The following ATP10A variants were observed in gnomAD, a reference collection of about 807,000 sequenced individuals.
The protein encoded by ATP10A is phospholipid-transporting ATPase VA.
ATP10A carries 111 observed loss-of-function variants against 147.8 expected under a neutral mutation model. The observed-to-expected ratio is 0.75, with a 90% CI of 0.64 to 0.88. The LOEUF is 0.88. Ranked by LOEUF, ATP10A falls within the 40% of genes least tolerant of loss-of-function variation. ATP10A has a pLI of 0.00. For synonymous variants in ATP10A, 875 were observed against 841.6 expected (o/e 1.04, Z -0.69); for missense variants, 1,927 against 1,959.0 (o/e 0.98, Z 0.31).
At chr15:25,830,138 G>A (rs556095929) in intron 1 of ATP10A, among the ~76,000 whole-genome samples, 5 of 152,260 alleles carry the variant, frequency 3.3e-5, no homozygotes, top group South Asian at 2.1e-4. Context: ...GAGCCACGGA[G>A]AGGAGGAGGC....
intron 2 of ATP10A, among the ~76,000 whole-genome samples, chr15:25,775,404 C>T (rs1889553099): frequency 6.6e-6 from 1 of 152,210 alleles, no homozygotes; most frequent in Non-Finnish European, 1.5e-5. Context: ...CCTGAATACA[C>T]CAGGCCCCCC....
At position 25,708,370 on chromosome 15, in the gene ATP10A, G is replaced by T. The variant is rs189528243; in HGVS notation, c.2345-70C>A. 62 of 1,362,444 alleles carry T rather than the reference G, an allele frequency of 4.6e-5. No homozygotes were observed. In the African/African-American group the frequency reaches 8.2e-4, roughly 18 times the overall value. The allele number at this position is 1,362,444 out of a possible 1,614,324, so 84.4% of individuals were successfully genotyped here. Reference sequence around the variant, plus strand: ...GTGGAATGGTCTTCAGACACTCCGAGATTTACCCCACGTCTGTTCGTTACT... The same window carrying T: ...GTGGAATGGTCTTCAGACACTCCGATATTTACCCCACGTCTGTTCGTTACT... On this transcript the variant is annotated intron_variant, in intron 10 of 20. Coordinates refer to ENST00000555815, the MANE Select transcript of ATP10A (RefSeq NM_024490.4).
At chr15:25,765,771 C>T (rs1888986735) in intron 2 of ATP10A, among the ~76,000 whole-genome samples, 1 of 152,188 alleles carries the variant, frequency 6.6e-6, no homozygotes, top group South Asian at 2.1e-4. Context: ...GACGCAAACC[C>T]TTTTCTCTAT....
At chr15:25,682,003 G>A (rs1389772265) in intron 17 of ATP10A, among the ~76,000 whole-genome samples, 2 of 148,300 alleles carry the variant, frequency 1.3e-5, no homozygotes, top group Non-Finnish European at 3.0e-5. Flanking sequence ...GCAGTGAGCC[G>A]AGATCACACC....
chr15:25,694,668 A>G, intron 14 of ATP10A, 151 bp downstream of exon 14: 1 of 738,598 alleles, frequency 1.4e-6, no homozygotes, highest in Admixed American at 2.9e-5. Flanking sequence ...TTACCTTCGG[A>G]ACATGTTGCC....
chr15:25,861,363 C>G (rs1282427301), intron 1 of ATP10A, among the ~76,000 whole-genome samples: 3 of 152,170 alleles, frequency 2.0e-5, no homozygotes, highest in African/African-American at 7.2e-5. Context: ...GGTCAAATCC[C>G]AGTACCACGA....
intron 2 of ATP10A, among the ~76,000 whole-genome samples, chr15:25,760,173 C>T (rs1436786022): frequency 1.3e-5 from 2 of 152,066 alleles, no homozygotes; most frequent in Non-Finnish European, 2.9e-5. Flanking sequence ...TAGGACATTC[C>T]AGAAAGCCCT....
intron 10 of ATP10A, among the ~76,000 whole-genome samples, chr15:25,713,456 G>T (rs942222275): frequency 6.6e-6 from 1 of 152,220 alleles, no homozygotes; most frequent in East Asian, 1.9e-4. Flanking sequence ...TCTTGGAGGT[G>T]GGGGTGTGCA....
intron 2 of ATP10A, among the ~76,000 whole-genome samples, chr15:25,769,923 T>A (rs2140660965): frequency 6.6e-6 from 1 of 152,264 alleles, no homozygotes; most frequent in Non-Finnish European, 1.5e-5. Context: ...CCAACAGGAC[T>A]GGTGTCCTTA....
chr15:25,723,843 C>A (rs761315122), intron 6 of ATP10A, 48 bp downstream of exon 6: 7 of 1,463,834 alleles, frequency 4.8e-6, no homozygotes, highest in Non-Finnish European at 4.6e-6. Flanking sequence ...ATTTTAAGTT[C>A]TCTTCATAAA....
At chr15:25,731,717 G>C (rs186682046) in intron 3 of ATP10A, among the ~76,000 whole-genome samples, 1 of 152,164 alleles carries the variant, frequency 6.6e-6, no homozygotes, top group Non-Finnish European at 1.5e-5. Context: ...TTTCGCTAGG[G>C]CTTAACTATA....
intron 10 of ATP10A, chr15:25,710,815 G>C (rs1434040455): frequency 1.3e-5 from 2 of 152,310 alleles, no homozygotes; most frequent in Admixed American, 6.5e-5. Context: ...AGTGGCCTGA[G>C]GTTTACACCT....
intron 1 of ATP10A, among the ~76,000 whole-genome samples, chr15:25,799,538 T>C (rs1433898952): frequency 6.6e-6 from 1 of 151,634 alleles, no homozygotes. Flanking sequence ...AAAAACAAAG[T>C]TAAACTAAAT....
intron 2 of ATP10A, among the ~76,000 whole-genome samples, chr15:25,770,371 T>C (rs1889274481): frequency 6.6e-6 from 1 of 152,178 alleles, no homozygotes; most frequent in Non-Finnish European, 1.5e-5. Context: ...GCGCCCCAAC[T>C]GTTGGCCCAG....
At position 25,683,384 on chromosome 15, in the gene ATP10A, A is replaced by G; in HGVS notation, c.3394T>C (p.Ser1132Pro). Residue 1132 changes from serine to proline, a missense_variant, in exon 17 of 21, where the codon TCA (serine) becomes CCA (proline). Physicochemically the swap from Ser to Pro is moderately conservative, Grantham distance 74 (BLOSUM62 -1). Coordinates refer to ENST00000555815, the MANE Select transcript of ATP10A (RefSeq NM_024490.4). Reference sequence around the variant, plus strand: ...ACCCCAGTCACGAGCGGGGGAAGTGACGAGAAGAGCAGATTAAAGAAGATT... The same window carrying G: ...ACCCCAGTCACGAGCGGGGGAAGTGGCGAGAAGAGCAGATTAAAGAAGATT... ...YLIFFNLLFS[S>P]LPPLVTGVLD... 6.2e-7 allele frequency: 1 copy of G among 1,614,134 alleles called. No homozygotes were observed. The highest frequency in any genetic ancestry group is 2.2e-5 in the East Asian group (1 of 44,878).
At chr15:25,783,482 C>CG (rs1442792282) in intron 1 of ATP10A, among the ~76,000 whole-genome samples, 2 of 147,074 alleles carry the variant, frequency 1.4e-5, no homozygotes, top group African/African-American at 4.9e-5. Flanking sequence ...GAGGGACCCC[C>CG]CCCTGGCAAA....
chr15:25,841,559 C>G (rs999431849), intron 1 of ATP10A: 1 of 137,606 alleles, frequency 7.3e-6, no homozygotes, highest in Non-Finnish European at 1.5e-5. Context: ...TGTTTTTCCA[C>G]GTAGAATAAG....
chr15:25,824,287 G>A (rs1309240289), intron 1 of ATP10A, among the ~76,000 whole-genome samples: 1 of 151,838 alleles, frequency 6.6e-6, no homozygotes, highest in African/African-American at 2.4e-5. Context: ...GACTAGACTG[G>A]ACAACACAGT....
In ATP10A at chr15:25,862,427, C is replaced by T. The variant is rs1379926119; in HGVS notation, c.449+221G>A. The T allele has an allele frequency of 1.2e-5, 8 of 661,480 alleles. No individual in the cohort carries two copies. The Admixed American group carries it at 1.6e-4, about 13-fold the overall frequency. 41.0% of individuals were successfully genotyped at this position (661,480 alleles called of 1,614,324 possible). The stretch of plus-strand genomic sequence containing the variant: ...AGTGACAGGGGATCCCCACGCGTCC[C>T]CGCATCCAGGGCGCCCCTTTAGCTG... On this transcript the variant is annotated intron_variant, in intron 1 of 20. Coordinates refer to ENST00000555815, the MANE Select transcript of ATP10A (RefSeq NM_024490.4).
Sources: allele counts gnomAD v4.1 joint callset (sites outside exome capture counted in the v4.1 genomes callset), GRCh38; gene constraint gnomAD v4.1.1; transcripts MANE v1.5; gene names NCBI Gene and HGNC (gene_info 2026-07-23, HGNC 2026-07-21).